CDH18: variants seen among roughly 807,000 people sequenced by gnomAD.
The protein encoded by CDH18 is cadherin 18, also known as cadherin-18.
CDH18 carries 31 observed loss-of-function variants against 67.9 expected under a neutral mutation model. That is an observed-to-expected ratio of 0.46 (90% confidence interval 0.34 to 0.62). The LOEUF (loss-of-function observed/expected upper bound fraction) is 0.62. CDH18 is among the 20% of genes least tolerant of loss of function. The pLI is 0.01. For synonymous variants in CDH18, 362 were observed against 347.2 expected, an observed-to-expected ratio of 1.04 and a Z score of -0.48; for missense variants, 890 against 975.5, an observed-to-expected ratio of 0.91 and a Z score of 1.17.
upstream of CDH18, among the ~76,000 whole-genome samples, chr5:19,991,306 C>T (rs1799968529): frequency 6.6e-6 from 1 of 152,012 alleles, no homozygotes; most frequent in African/African-American, 2.4e-5. Context: ...GGTGCATTGG[C>T]TCATTAACAG....
chr5:19,786,845 G>C (rs958274488), intron 3 of CDH18, among the ~76,000 whole-genome samples: 1 of 152,040 alleles, frequency 6.6e-6, no homozygotes, highest in African/African-American at 2.4e-5. Context: ...GGCATGGCTG[G>C]GGGGGTGTTG....
At chr5:20,531,499 C>G (rs1261105572) in intron 1 of CDH18, among the ~76,000 whole-genome samples, 2 of 152,038 alleles carry the variant, frequency 1.3e-5, no homozygotes. Context: ...AAATGCCCAT[C>G]AATGATAGAC....
intron 2 of CDH18, among the ~76,000 whole-genome samples, chr5:20,204,142 C>A (rs192612113): frequency 6.6e-6 from 1 of 151,886 alleles, no homozygotes; most frequent in African/African-American, 2.4e-5. Flanking sequence ...GGTGCAGAAA[C>A]GTCAGAGAAC....
At chr5:19,497,166 A>AT (rs568110632) in intron 11 of CDH18, among the ~76,000 whole-genome samples, 131 of 152,182 alleles carry the variant, frequency 8.6e-4, no homozygotes, top group Non-Finnish European at 1.4e-3. Flanking sequence ...AAAAACTGGC[A>AT]TTTGTTCTAG....
intron 2 of CDH18, among the ~76,000 whole-genome samples, chr5:20,082,082 A>G (rs2150544894): frequency 6.6e-6 from 1 of 152,284 alleles, no homozygotes; most frequent in Non-Finnish European, 1.5e-5. Flanking sequence ...GCATATACAC[A>G]CAGACATAAA....
intron 1 of CDH18, chr5:20,255,550 A>C (rs1744167401): frequency 6.6e-6 from 1 of 152,142 alleles, no homozygotes; most frequent in Non-Finnish European, 1.5e-5. Context: ...TCAACACATA[A>C]AAATCTATGC....
At chr5:19,565,552 A>G (rs905910537) in intron 8 of CDH18, among the ~76,000 whole-genome samples, 3 of 152,212 alleles carry the variant, frequency 2.0e-5, no homozygotes, top group African/African-American at 7.2e-5. Context: ...ATAACACCCA[A>G]TTAATCCCCT....
At chr5:20,445,248 C>T (rs1749917635) in intron 1 of CDH18, among the ~76,000 whole-genome samples, 1 of 152,104 alleles carries the variant, frequency 6.6e-6, no homozygotes, top group African/African-American at 2.4e-5. Flanking sequence ...CCTTAAATTG[C>T]ATACAATTCT....
intron 2 of CDH18, among the ~76,000 whole-genome samples, chr5:20,153,086 G>C (rs989694050): frequency 6.6e-6 from 1 of 151,824 alleles, no homozygotes; most frequent in Non-Finnish European, 1.5e-5. Context: ...GGGACTGCAG[G>C]CATATGCCAC....
At chr5:20,485,021 G>T (rs574547630) in intron 1 of CDH18, among the ~76,000 whole-genome samples, 3 of 152,182 alleles carry the variant, frequency 2.0e-5, no homozygotes, top group African/African-American at 7.2e-5. Flanking sequence ...TTGAAATAAT[G>T]ATATGTTTGA....
chr5:19,570,152 G>A (rs922302581), intron 8 of CDH18, among the ~76,000 whole-genome samples: 2 of 151,774 alleles, frequency 1.3e-5, no homozygotes, highest in Non-Finnish European at 2.9e-5. Context: ...TACTGTTTGG[G>A]GTCAAAAGTA....
intron 2 of CDH18, among the ~76,000 whole-genome samples, chr5:20,002,513 CCT>C (rs764553322): frequency 3.7e-4 from 57 of 152,144 alleles, no homozygotes; most frequent in Non-Finnish European, 7.6e-4. Context: ...ATGTAATTTA[CCT>C]CTTAGAGTAT....
At chr5:19,831,862 T>C (rs544178649) in intron 3 of CDH18, among the ~76,000 whole-genome samples, 2 of 152,042 alleles carry the variant, frequency 1.3e-5, no homozygotes, top group Non-Finnish European at 2.9e-5. Flanking sequence ...AACTTAGGTG[T>C]CCCTCAATGG....
At chr5:20,319,258 A>G (rs1436813330) in intron 1 of CDH18, among the ~76,000 whole-genome samples, 1 of 152,168 alleles carries the variant, frequency 6.6e-6, no homozygotes, top group Non-Finnish European at 1.5e-5. Context: ...TCCCTGTTTT[A>G]CCAACCTTCT....
intron 12 of CDH18, among the ~76,000 whole-genome samples, chr5:19,476,213 A>G (rs1314674671): frequency 6.6e-6 from 1 of 152,040 alleles, no homozygotes; most frequent in East Asian, 1.9e-4. Flanking sequence ...TGTGAAATGA[A>G]AAGATATTAG....
At chr5:19,968,973 C>A (rs1797755989) in intron 2 of CDH18, among the ~76,000 whole-genome samples, 1 of 133,354 alleles carries the variant, frequency 7.5e-6, no homozygotes, top group Admixed American at 7.1e-5. Flanking sequence ...CCAGAATCTA[C>A]AATGAACTCA....
At chr5:19,892,539 T>C (rs1788887887) in intron 2 of CDH18, among the ~76,000 whole-genome samples, 1 of 152,148 alleles carries the variant, frequency 6.6e-6, no homozygotes, top group South Asian at 2.1e-4. Flanking sequence ...GTGCATTTCC[T>C]CCTGGTATTT....
intron 5 of CDH18, among the ~76,000 whole-genome samples, chr5:19,688,052 C>T (rs1580875497): frequency 6.6e-6 from 1 of 152,128 alleles, no homozygotes; most frequent in African/African-American, 2.4e-5. Flanking sequence ...TGAGGATGGC[C>T]CTACCCAGCT....
intron 2 of CDH18, among the ~76,000 whole-genome samples, chr5:19,978,567 T>C (rs1305475838): frequency 3.3e-5 from 5 of 152,274 alleles, no homozygotes; most frequent in Admixed American, 2.6e-4. Context: ...GCAGCTCTGT[T>C]GGTAAGAAGT....
Sources: allele counts gnomAD v4.1 joint callset (sites outside exome capture counted in the v4.1 genomes callset), GRCh38; gene constraint gnomAD v4.1.1; transcripts MANE v1.5; gene names NCBI Gene and HGNC (gene_info 2026-07-23, HGNC 2026-07-21).